CLK2: variants seen among roughly 807,000 people sequenced by gnomAD.
The protein encoded by CLK2 is CDC like kinase 2.
CLK2 carries 12 observed loss-of-function variants against 73.5 expected under a neutral mutation model. The ratio of observed to expected loss-of-function variants is 0.16; its 90% CI spans 0.10 to 0.26. The LOEUF is 0.26. Ranked by LOEUF, CLK2 falls within the 10% of genes least tolerant of loss-of-function variation. CLK2 has a pLI of 1.00. For synonymous variants in CLK2, 232 were observed against 237.9 expected, an observed-to-expected ratio of 0.98 and a Z score of 0.23; for missense variants, 509 against 688.4, an observed-to-expected ratio of 0.74 and a Z score of 2.92.
intron 7 of CLK2, 36 bp downstream of exon 7, chr1:155,266,693 A>G: frequency 6.3e-7 from 1 of 1,594,778 alleles, no homozygotes; most frequent in East Asian, 2.3e-5. Context: ...GAAGGGAGGG[A>G]CTGCCCCAGA....
At chr1:155,263,499 T>C in intron 12 of CLK2, 99 bp from the exon 13 acceptor site, 1 of 1,498,216 alleles carries the variant, frequency 6.7e-7, no homozygotes. Flanking sequence ...AAGGCTCTGC[T>C]TGCAACCAAT....
At position 155,271,668 on chromosome 1, in the gene CLK2, T is replaced by C. The variant is rs140225864; in HGVS notation, c.1-691A>G. On this transcript the variant is annotated intron_variant, in intron 1 of 12. Transcript: ENST00000368361. ...CCCCGTTCAGGATCTAAGATATAGATCTGTGTGATGCTGAGTTCCTCACAA... is the reference window on the plus strand; with the variant it reads ...CCCCGTTCAGGATCTAAGATATAGACCTGTGTGATGCTGAGTTCCTCACAA... Among the ~76,000 whole-genome samples, 6 of 152,344 alleles carry C rather than the reference T, an allele frequency of 3.9e-5. No individual in the cohort carries two copies. The East Asian group carries it at 1.2e-3, about 29-fold the overall frequency.
At position 155,268,325 on chromosome 1, in the gene CLK2, G is replaced by A. The variant is rs747382407; in HGVS notation, c.522C>T (p.Phe174=). Residue 174 remains phenylalanine (F), a synonymous_variant, in exon 5 of 13, where the codon TTC becomes TTT. Transcript: ENST00000368361. The surrounding 1 kb of genome is among the most constrained non-coding windows in gnomAD (Gnocchi z 5.6). ...GGTCAACACATTGTACAACTCGGCC[G>A]AAGGTCCCCTCTCCTAAGGTGCTAA... ...EIVSTLGEGT[F]GRVVQCVDHR... 4 of 1,614,012 alleles carry A rather than the reference G, an allele frequency of 2.5e-6. No individual in the cohort carries two copies. The highest frequency in any genetic ancestry group is 3.3e-5 in the Admixed American group (2 of 59,994).
chr1:155,269,419 G>A, intron 3 of CLK2, 69 bp downstream of exon 3: 6 of 1,352,164 alleles, frequency 4.4e-6, no homozygotes, highest in Non-Finnish European at 6.3e-6. Flanking sequence ...CAAGGATACT[G>A]CTCACTTACC....
rs187165846 is a variant in CLK2, at chr1:155,268,296, C to T, written c.551G>A (p.Arg184His). 110 of 1,613,992 alleles carry T rather than the reference C, an allele frequency of 6.8e-5. 1 individual carries two copies. The Admixed American group carries it at 1.5e-3, about 22-fold the overall frequency. The change falls in exon 5 of 13, where the codon CGC (arginine) becomes CAC (histidine). Residue 184 changes from arginine (R) to histidine (H), a missense_variant. Around this residue, in one of 6 missense-constraint regions of CLK2, gnomAD observed 76 missense variants for 126.4 expected, o/e 0.60. Coordinates refer to ENST00000368361, the MANE Select transcript of CLK2 (RefSeq NM_001294338.2). The surrounding 1 kb of genome is among the most constrained non-coding windows in gnomAD (Gnocchi z 5.6). ...FGRVVQCVDH[R>H]RGGARVALKI... Reference sequence around the variant, plus strand: ...GTAGGGAGGGACTGACAGTTACCTGCGATGGTCAACACATTGTACAACTCG... The same window carrying T: ...GTAGGGAGGGACTGACAGTTACCTGTGATGGTCAACACATTGTACAACTCG...
At chr1:155,273,154 C>T (rs1231862920) in intron 1 of CLK2, 47 bp downstream of exon 1, 3 of 152,190 alleles carry the variant, frequency 2.0e-5, no homozygotes, top group Non-Finnish European at 4.4e-5. Flanking sequence ...CCCCGCCCGC[C>T]CCGCGGTCGC....
At chr1:155,271,021 C>G (rs1409748512) in intron 1 of CLK2, 44 bp from the exon 2 acceptor site, 1 of 1,585,576 alleles carries the variant, frequency 6.3e-7, no homozygotes, top group East Asian at 2.3e-5. Flanking sequence ...TTCGAGTTTT[C>G]AGAAATCTCC....
Position 155,263,413 on chromosome 1 carries a change from G to A in CLK2, c.1318-13C>T, listed in dbSNP as rs781108604. 7 of 1,613,140 alleles carry A rather than the reference G, an allele frequency of 4.3e-6. No homozygotes were observed. The East Asian group carries it at 1.1e-4, about 26-fold the overall frequency. On this transcript the variant is annotated splice_polypyrimidine_tract_variant and intron_variant, in intron 12 of 12. Transcript: ENST00000368361. The stretch of plus-strand genomic sequence containing the variant: ...AGGTCAGATACCGCTGGTGGAGGAG[G>A]GCAGGAAAAAGGTGAGGCAGGATGC...
At position 155,270,988 on chromosome 1, in the gene CLK2, A is replaced by C; in HGVS notation, c.1-11T>G. ...TCGAGGATGCGGCATCTGGAAGGCA[A>C]GGGAAAGCGGAAATAGGAAAGTTTC... On this transcript the variant is annotated splice_polypyrimidine_tract_variant and intron_variant, in intron 1 of 12. Transcript: ENST00000368361. The C allele has an allele frequency of 6.2e-7, 1 of 1,603,372 alleles. No individual in the cohort carries two copies. Among genetic ancestry groups the C allele is most frequent in the South Asian group, 1.1e-5 (1 of 90,890 alleles).
chr1:155,266,412 G>A (rs1673234732), intron 7 of CLK2, among the ~76,000 whole-genome samples: 1 of 152,098 alleles, frequency 6.6e-6, no homozygotes, highest in South Asian at 2.1e-4. Flanking sequence ...GTGTATTTTT[G>A]TCTCTTTATG....
intron 3 of CLK2, chr1:155,269,097 C>T: frequency 1.7e-6 from 1 of 580,876 alleles, no homozygotes; most frequent in Non-Finnish European, 3.1e-6. Context: ...CAATGCCCTT[C>T]CGGGCAGACA....
chr1:155,272,016 G>GTTTT (rs34906309), intron 1 of CLK2, among the ~76,000 whole-genome samples: 4 of 137,106 alleles, frequency 2.9e-5, no homozygotes, highest in Admixed American at 7.4e-5. Flanking sequence ...TGTTTCTTGT[G>GTTTT]TTTTTTTTTT....
At chr1:155,263,454 T>C in intron 12 of CLK2, 54 bp from the exon 13 acceptor site, 2 of 1,602,160 alleles carry the variant, frequency 1.2e-6, no homozygotes, top group Non-Finnish European at 1.7e-6. Flanking sequence ...AAACCCTGCC[T>C]TCTTCAAGAC....
At position 155,264,712 on chromosome 1, in the gene CLK2, G is replaced by C; in HGVS notation, c.996C>G (p.Thr332=). ...TGGTGCTATGGTGCTCATGGTCAAA[G>C]GTGGCACTGCCAAAGTCTACCACCC... ...AVRVVDFGSA[T]FDHEHHSTIV... The change falls in exon 9 of 13, where the codon ACC becomes ACG. Residue 332 remains threonine, a synonymous_variant. Transcript: ENST00000368361. 6.2e-7 allele frequency: 1 copy of C among 1,614,232 alleles called. No individual in the cohort carries two copies. The highest frequency in any genetic ancestry group is 8.5e-7 in the Non-Finnish European group (1 of 1,180,040).
rs1673339390 is a variant in CLK2 at position 155,268,597 on chromosome 1, TAAAC to T, written c.487+107_487+110del. 1 of 1,062,684 alleles carries T rather than the reference TAAAC, an allele frequency of 9.4e-7. No homozygotes were observed. The highest frequency in any genetic ancestry group is 1.5e-6 in the Non-Finnish European group (1 of 687,140). 65.8% of individuals were successfully genotyped at this position (1,062,684 alleles called of 1,614,324 possible). On this transcript the variant is annotated intron_variant, in intron 4 of 12. Transcript: ENST00000368361. The surrounding 1 kb of genome is among the most constrained non-coding windows in gnomAD (Gnocchi z 5.6). The stretch of plus-strand genomic sequence containing the variant: ...TCAACAGCAACTCAAACCACCCAGA[TAAAC>T]AACACCACTGAGAAAAGGCAAGAGG...
At chr1:155,263,643 G>GA (rs1673091918) in intron 12 of CLK2, 1 of 984,464 alleles carries the variant, frequency 1.0e-6, no homozygotes, top group African/African-American at 1.7e-5. Context: ...TCAACTTCAT[G>GA]AATCTTCTTT....
In CLK2 at chr1:155,264,242, G is replaced by T; in HGVS notation, c.1205C>A (p.Ser402Tyr). ...MMERILGPIPSRMIRKTRKQK... is the reference protein window; with the variant it reads ...MMERILGPIPYRMIRKTRKQK... ...TCACCTTGTCTTTCGGATCATCCGG[G>T]AAGGGATAGGACCCAAGATCCTTTC... The change falls in exon 11 of 13, where the codon TCC (serine) becomes TAC (tyrosine). Residue 402 changes from serine (S) to tyrosine (Y), a missense_variant. By Grantham distance (144) the Ser-to-Tyr change is moderately radical (BLOSUM62 -2). Around this residue, in one of 6 missense-constraint regions of CLK2, gnomAD observed 134 missense variants for 146.0 expected, o/e 0.92. Coordinates refer to ENST00000368361, the MANE Select transcript of CLK2 (RefSeq NM_001294338.2). 1.2e-6 allele frequency: 2 copies of T among 1,614,198 alleles called. No homozygotes were observed. Among genetic ancestry groups the T allele is most frequent in the Non-Finnish European group, 1.7e-6 (2 of 1,180,028 alleles).
Position 155,269,675 on chromosome 1 carries a change from C to G in CLK2, c.212G>C (p.Arg71Pro), listed in dbSNP as rs773202479. 6.2e-7 allele frequency: 1 copy of G among 1,614,228 alleles called. No homozygotes were observed. The highest frequency in any genetic ancestry group is 8.5e-7 in the Non-Finnish European group (1 of 1,180,036). Residue 71 changes from arginine to proline, a missense_variant, in exon 3 of 13, where the codon CGG becomes CCG. Physicochemically the swap from Arg to Pro is moderately radical, Grantham distance 103 (BLOSUM62 -2). Around this residue, in one of 6 missense-constraint regions of CLK2, gnomAD observed 222 missense variants for 221.7 expected, o/e 1.00. Transcript: ENST00000368361. ...DRSSDRRVYD[R>P]RYCGSYRRND... ...GCGTCTGTAGCTGCCACAGTATCGCCGGTCATACACCCTCCGGTCGGACGA... is the reference window on the plus strand; with the variant it reads ...GCGTCTGTAGCTGCCACAGTATCGCGGGTCATACACCCTCCGGTCGGACGA...
At chr1:155,263,511 T>C in intron 12 of CLK2, 111 bp from the exon 13 acceptor site, 1 of 1,482,734 alleles carries the variant, frequency 6.7e-7, no homozygotes, top group Non-Finnish European at 8.9e-7. Flanking sequence ...GCAACCAATT[T>C]GAAGGCTACC....
Sources: gnomAD v4.1 joint callset for allele counts (sites outside exome capture counted in the v4.1 genomes callset) on GRCh38, gnomAD v4.1.1 for gene constraint, gnomAD v4.1.1 regional missense constraint, Gnocchi (gnomAD v3.1) non-coding constraint, MANE v1.5 for transcripts, NCBI Gene and HGNC (gene_info 2026-07-23, HGNC 2026-07-21) for gene names.